IAH1: variants seen among roughly 807,000 people sequenced by gnomAD.
The protein encoded by IAH1 is isoamyl acetate-hydrolyzing esterase 1 homolog.
In IAH1, 24 loss-of-function variants were observed where a neutral mutation model predicts 26.7. That is an observed-to-expected ratio of 0.90 (90% CI 0.65 to 1.26). The LOEUF is 1.26. Ranked by LOEUF, IAH1 falls within the 50% of genes most tolerant of loss-of-function variation. The pLI is 0.00. For synonymous variants in IAH1, 140 were observed against 118.5 expected (o/e 1.18, Z -1.18); for missense variants, 300 against 299.9 (o/e 1.00, Z 0.00).
downstream of IAH1, among the ~76,000 whole-genome samples, chr2:9,492,262 G>A (rs1662216556): frequency 6.6e-6 from 1 of 152,250 alleles, no homozygotes; most frequent in African/African-American, 2.4e-5. Flanking sequence ...ATTCCCCACA[G>A]ATGCAAGTGA....
downstream of IAH1, among the ~76,000 whole-genome samples, chr2:9,494,387 T>A (rs1017136047): frequency 3.9e-5 from 6 of 152,128 alleles, no homozygotes; most frequent in African/African-American, 1.4e-4. Context: ...CAACCAACTT[T>A]ACCATAAAGT....
chr2:9,490,369 G>T, downstream of IAH1: 1 of 1,614,140 alleles, frequency 6.2e-7, no homozygotes, highest in Non-Finnish European at 8.5e-7. Flanking sequence ...CTTCCTGGAT[G>T]GTGTCCATTC....
chr2:9,478,492 C>A, intron 3 of IAH1, 122 bp downstream of exon 3: 1 of 934,656 alleles, frequency 1.1e-6, no homozygotes, highest in Non-Finnish European at 1.6e-6. Context: ...TTTTGCCAAA[C>A]TTATGTTGTT....
At chr2:9,502,359 A>T in the IAH1 span, 1 of 1,203,824 alleles carries the variant, frequency 8.3e-7, no homozygotes, top group Non-Finnish European at 1.2e-6. Context: ...CGTTACAGTG[A>T]CCTGAAGATC....
chr2:9,494,351 CAT>C (rs1662391685), downstream of IAH1, among the ~76,000 whole-genome samples: 1 of 152,096 alleles, frequency 6.6e-6, no homozygotes, highest in African/African-American at 2.4e-5. Flanking sequence ...TCTAGGAAAA[CAT>C]AATTAGGACC....
At position 9,488,749 on chromosome 2, in the gene IAH1, A is replaced by C. The variant is rs959847679; in HGVS notation, c.*420A>C. The C allele has an allele frequency of 5.9e-5, 9 of 153,220 alleles. No individual in the cohort carries two copies. The highest frequency in any genetic ancestry group is 2.2e-4 in the African/African-American group (9 of 41,486). The allele number at this position is 153,220 out of a possible 1,614,324, so 9.5% of individuals were successfully genotyped here. ...TAGTTAAAAGATAGCAAATACCATA[A>C]GGTACAAGTTCAAGTATTAGTATAA... On this transcript the variant is annotated 3_prime_UTR_variant, in exon 6 of 6. Transcript: ENST00000497473.
At chr2:9,501,600 AATAC>A in the IAH1 span, among the ~76,000 whole-genome samples, 22 of 152,208 alleles carry the variant, frequency 1.4e-4, no homozygotes, top group Non-Finnish European at 2.4e-4. Flanking sequence ...CCAACAGTGA[AATAC>A]ATATAGATAC....
chr2:9,482,905 G>T (rs1459596305), intron 4 of IAH1, among the ~76,000 whole-genome samples: 1 of 152,346 alleles, frequency 6.6e-6, no homozygotes, highest in African/African-American at 2.4e-5. Flanking sequence ...AGAGTGTTCT[G>T]CAGGGAAGGG....
intron 3 of IAH1, among the ~76,000 whole-genome samples, chr2:9,479,927 G>T (rs1371519414): frequency 6.9e-6 from 1 of 145,112 alleles, no homozygotes; most frequent in Non-Finnish European, 1.5e-5. Flanking sequence ...TCCTGCTTCA[G>T]CCTCCCGAGT....
chr2:9,506,347 ATCTTCAAATCTGTTTTTTTTTTTT>A, the IAH1 span, among the ~76,000 whole-genome samples: 15 of 147,866 alleles, frequency 1.0e-4, no homozygotes, highest in African/African-American at 3.8e-4. Flanking sequence ...TTTAAAAAAC[ATCTTCAAATCTGTTTTTTTTTTTT>A]TTTTTTTTTT....
chr2:9,487,833 T>TGTGCGC (rs1192269311), intron 5 of IAH1, among the ~76,000 whole-genome samples: 14 of 82,702 alleles, frequency 1.7e-4, no homozygotes, highest in East Asian at 7.0e-4. Context: ...TGTGTGTGTG[T>TGTGCGC]GCGCGCGCGC....
chr2:9,507,709 A>G, the IAH1 span, among the ~76,000 whole-genome samples: 3 of 150,234 alleles, frequency 2.0e-5, no homozygotes, highest in East Asian at 5.8e-4. Context: ...TCTCATTAGC[A>G]AGTTCTTTTT....
At chr2:9,502,103 T>G in the IAH1 span, 3 of 1,345,538 alleles carry the variant, frequency 2.2e-6, no homozygotes, top group Non-Finnish European at 2.1e-6. Context: ...GAACAAAACA[T>G]AATCTTGTTT....
chr2:9,510,274 T>C, the IAH1 span: 2 of 938,052 alleles, frequency 2.1e-6, no homozygotes, highest in Non-Finnish European at 3.1e-6. Context: ...ATACCAGCAC[T>C]TTAGGAGGCT....
At chr2:9,492,982 C>CT (rs1308436844), downstream of IAH1, 1 of 1,609,532 alleles carries the variant, frequency 6.2e-7, no homozygotes, top group Non-Finnish European at 8.5e-7. Flanking sequence ...CTGCTAAAAA[C>CT]TTTCCTGTGA....
In IAH1 at chr2:9,489,561, A is replaced by C. The variant is rs1661915058; in HGVS notation, c.*1232A>C. On this transcript the variant is annotated 3_prime_UTR_variant, in exon 6 of 6. Transcript: ENST00000497473. ...AAGGTAGGTGGTTAGGTTTCTAGAG[A>C]GCATTAGTCTTAGAATTATGAAGAG... The C allele has an allele frequency of 6.6e-6, 1 of 152,396 alleles. No homozygotes were observed. The highest frequency in any genetic ancestry group is 2.4e-5 in the African/African-American group (1 of 41,358). 9.4% of individuals were successfully genotyped at this position (152,396 alleles called of 1,614,324 possible).
rs1396129811 is a variant in IAH1 at position 9,484,910 on chromosome 2, T to TA, written c.564+364dup. 9 of 181,694 alleles carry TA rather than the reference T, an allele frequency of 5.0e-5. No homozygotes were observed. In the East Asian group the frequency reaches 9.5e-4, roughly 19 times the overall value. 11.3% of individuals were successfully genotyped at this position (181,694 alleles called of 1,614,324 possible). On this transcript the variant is annotated intron_variant, in intron 5 of 5. Coordinates refer to ENST00000497473, the MANE Select transcript of IAH1 (RefSeq NM_001039613.3). ...TGAATTTAAATACAGTATTGGCTAA[T>TA]AAAACTGTTTGAGATATGTAGTTCT...
downstream of IAH1, chr2:9,492,768 CA>C: frequency 1.0e-5 from 7 of 678,054 alleles, no homozygotes; most frequent in East Asian, 6.2e-5. Context: ...GGAATAACAA[CA>C]AAAAAAGCTA....
intron 4 of IAH1, among the ~76,000 whole-genome samples, chr2:9,483,451 A>G (rs538470536): frequency 1.3e-5 from 2 of 152,290 alleles, no homozygotes; most frequent in East Asian, 3.9e-4. Context: ...GCTAGTTATA[A>G]TCTAGGTGAA....
Sources: gnomAD v4.1 joint callset for allele counts (sites outside exome capture counted in the v4.1 genomes callset) on GRCh38, gnomAD v4.1.1 for gene constraint, MANE v1.5 for transcripts, NCBI Gene and HGNC (gene_info 2026-07-23, HGNC 2026-07-21) for gene names.